Variants in CDKAL1 observed in about 807,000 individuals in gnomAD.
CDKAL1 encodes CDKAL1 threonylcarbamoyladenosine tRNA methylthiotransferase.
Under a neutral mutation model 68.2 loss-of-function variants are expected in CDKAL1, and 32 were observed. The observed-to-expected ratio is 0.47, with a 90% CI of 0.35 to 0.63. CDKAL1 has a LOEUF of 0.63. Ranked by LOEUF, CDKAL1 falls within the 30% of genes least tolerant of loss-of-function variation. The probability of loss-of-function intolerance (pLI) is 0.00; values close to 1 mark genes in which losing one functional copy is unlikely to be tolerated. For synonymous variants in CDKAL1, 234 were observed against 244.3 expected (o/e 0.96, Z 0.39); for missense variants, 606 against 696.7 (o/e 0.87, Z 1.47).
intron 5 of CDKAL1, among the ~76,000 whole-genome samples, chr6:20,650,183 A>G (rs948843274): frequency 1.3e-5 from 2 of 152,180 alleles, no homozygotes; most frequent in Admixed American, 1.3e-4. Flanking sequence ...TCCCACCAAC[A>G]GTGTAAAAGT....
chr6:20,835,982 G>A (rs9465914), intron 8 of CDKAL1, among the ~76,000 whole-genome samples: 125,175 of 152,060 alleles, frequency 0.82, 51,846 homozygotes, highest in Non-Finnish European at 0.87. Context: ...CTTTACATGA[G>A]CAACTACCCT....
At chr6:20,731,513 G>C (rs1261034449) in intron 5 of CDKAL1, among the ~76,000 whole-genome samples, 2 of 152,166 alleles carry the variant, frequency 1.3e-5, no homozygotes, top group African/African-American at 4.8e-5. Context: ...GGATGGACTT[G>C]CTGTTGACTG....
intron 5 of CDKAL1, among the ~76,000 whole-genome samples, chr6:20,691,537 T>G (rs1770869656): frequency 6.6e-6 from 1 of 152,088 alleles, no homozygotes; most frequent in African/African-American, 2.4e-5. Flanking sequence ...CCTTATTTTC[T>G]TATTAACCAG....
In CDKAL1 at chr6:21,113,569, C is replaced by T. The variant is rs554225366; in HGVS notation, c.1299+5106C>T. On this transcript the variant is annotated intron_variant, in intron 13 of 15. Transcript: ENST00000274695. Reference sequence around the variant, plus strand: ...CCAGGCTGCAGAGCAGTGGCTTGATCTCAGCTCACCGCAACCTCTGCCTTC... The same window carrying T: ...CCAGGCTGCAGAGCAGTGGCTTGATTTCAGCTCACCGCAACCTCTGCCTTC... Among the ~76,000 whole-genome samples, 7 of 152,070 alleles carry T rather than the reference C, an allele frequency of 4.6e-5. No individual in the cohort carries two copies. In the East Asian group the frequency reaches 9.8e-4, roughly 21 times the overall value.
At chr6:21,138,969 A>G (rs1285355405) in intron 13 of CDKAL1, among the ~76,000 whole-genome samples, 1 of 152,230 alleles carries the variant, frequency 6.6e-6, no homozygotes, top group East Asian at 1.9e-4. Flanking sequence ...AGTCATGCAC[A>G]GTCAAGCCTG....
At chr6:20,910,337 C>T (rs1762413971) in intron 9 of CDKAL1, among the ~76,000 whole-genome samples, 1 of 152,198 alleles carries the variant, frequency 6.6e-6, no homozygotes, top group African/African-American at 2.4e-5. Context: ...GGCAATGCAA[C>T]CCACCTGTGG....
Position 20,596,990 on chromosome 6 carries a change from C to T in CDKAL1, c.286+48285C>T, listed in dbSNP as rs565253589. Among the ~76,000 whole-genome samples the T allele has an allele frequency of 2.0e-3, 312 of 152,308 alleles. 1 individual carries two copies. The highest frequency in any genetic ancestry group is 6.9e-3 in the African/African-American group (285 of 41,586). On this transcript the variant is annotated intron_variant, in intron 4 of 15. Transcript: ENST00000274695. Reference sequence around the variant, plus strand: ...GCTGCCCCCACTGTCTAACCAGGCCCGTTGAGATGAGCCTGGCACCTCAGT... The same window carrying T: ...GCTGCCCCCACTGTCTAACCAGGCCTGTTGAGATGAGCCTGGCACCTCAGT...
At chr6:21,099,312 G>A (rs776661136) in intron 12 of CDKAL1, among the ~76,000 whole-genome samples, 2 of 152,118 alleles carry the variant, frequency 1.3e-5, no homozygotes, top group African/African-American at 2.4e-5. Flanking sequence ...TAGCAGAAAA[G>A]CAACCGTGGA....
At chr6:20,600,788 A>ATATATG in intron 4 of CDKAL1, among the ~76,000 whole-genome samples, 1 of 144,988 alleles carries the variant, frequency 6.9e-6, no homozygotes, top group Admixed American at 6.9e-5. Context: ...ATATATATAT[A>ATATATG]CACACACACA....
At chr6:21,118,008 G>C (rs4389757) in intron 13 of CDKAL1, among the ~76,000 whole-genome samples, 17,295 of 152,098 alleles carry the variant, frequency 0.11, 1,017 homozygotes, top group Middle Eastern at 0.14. Context: ...GTTTTAACCT[G>C]GGGAACTTGT....
intron 15 of CDKAL1, among the ~76,000 whole-genome samples, chr6:21,209,500 C>A (rs182867702): frequency 2.0e-5 from 3 of 152,114 alleles, no homozygotes; most frequent in African/African-American, 7.2e-5. Flanking sequence ...GCTTGGTCTT[C>A]GAGAAGTTTT....
intron 9 of CDKAL1, among the ~76,000 whole-genome samples, chr6:20,867,752 C>A (rs1220208903): frequency 6.6e-6 from 1 of 152,146 alleles, no homozygotes; most frequent in Non-Finnish European, 1.5e-5. Flanking sequence ...CATTTCATTC[C>A]TCTCCAAGGA....
intron 5 of CDKAL1, among the ~76,000 whole-genome samples, chr6:20,739,042 G>A (rs181466997): frequency 2.6e-5 from 4 of 152,100 alleles, no homozygotes; most frequent in Admixed American, 1.3e-4. Context: ...TTACTAGCAC[G>A]TAGGGTATTA....
intron 13 of CDKAL1, among the ~76,000 whole-genome samples, chr6:21,143,895 G>A (rs113390896): frequency 3.8e-4 from 58 of 152,162 alleles, no homozygotes; most frequent in African/African-American, 1.3e-3. Flanking sequence ...ATCGACTCAG[G>A]TTCTGGAATG....
intron 10 of CDKAL1, among the ~76,000 whole-genome samples, chr6:20,967,021 C>T (rs570533477): frequency 9.9e-5 from 15 of 152,232 alleles, no homozygotes; most frequent in African/African-American, 2.6e-4. Context: ...GTTCTTGTCC[C>T]GCAGCTTCTA....
chr6:20,861,920 C>T (rs551771910), intron 9 of CDKAL1, among the ~76,000 whole-genome samples: 1 of 152,346 alleles, frequency 6.6e-6, no homozygotes, highest in South Asian at 2.1e-4. Flanking sequence ...CCAGCCACCA[C>T]ATTGATCAAA....
intron 15 of CDKAL1, among the ~76,000 whole-genome samples, chr6:21,214,422 A>G (rs1366364659): frequency 6.6e-6 from 1 of 152,032 alleles, no homozygotes; most frequent in African/African-American, 2.4e-5. Flanking sequence ...TCAAGGATCA[A>G]GGTCCCATGC....
At chr6:20,691,898 T>C (rs1354654259) in intron 5 of CDKAL1, among the ~76,000 whole-genome samples, 1 of 152,200 alleles carries the variant, frequency 6.6e-6, no homozygotes, top group African/African-American at 2.4e-5. Flanking sequence ...ATATGTTATG[T>C]AATATACACA....
Position 20,626,363 on chromosome 6 carries a change from T to C in CDKAL1, c.287-22930T>C, listed in dbSNP as rs189176549. Reference sequence around the variant, plus strand: ...GATCCTCCTCTGTTTTCCCAGCACATAGTAGGTACTCAAAAATACATGTTG... The same window carrying C: ...GATCCTCCTCTGTTTTCCCAGCACACAGTAGGTACTCAAAAATACATGTTG... On this transcript the variant is annotated intron_variant, in intron 4 of 15. Coordinates refer to ENST00000274695, the MANE Select transcript of CDKAL1 (RefSeq NM_017774.3). 2.0e-5 allele frequency among the ~76,000 whole-genome samples: 3 copies of C among 152,218 alleles called. No homozygotes were observed. The East Asian group carries it at 5.8e-4, about 29-fold the overall frequency.
Sources: allele counts gnomAD v4.1 joint callset (sites outside exome capture counted in the v4.1 genomes callset), GRCh38; gene constraint gnomAD v4.1.1; transcripts MANE v1.5; gene names NCBI Gene and HGNC (gene_info 2026-07-23, HGNC 2026-07-21).